The following ZNF99 variants were observed in gnomAD, a reference collection of about 807,000 sequenced individuals.
ZNF99 encodes the protein zinc finger protein 99, also known as zinc finger protein ENSP00000375192.
A neutral mutation model predicts 12.8 loss-of-function variants in ZNF99; 8 were observed. The observed-to-expected ratio is 0.62, with a 90% confidence interval of 0.37 to 1.13. The LOEUF (loss-of-function observed/expected upper bound fraction) is 1.13, where lower values mean the gene tolerates loss of function less well. Ranked by LOEUF, ZNF99 falls within the 50% of genes most tolerant of loss-of-function variation. The pLI is 0.02. For missense variants in ZNF99, 1,007 were observed against 1,006.2 expected, an observed-to-expected ratio of 1.00 and a Z score of -0.01; for synonymous variants, 318 against 319.0, an observed-to-expected ratio of 1.00 and a Z score of 0.03.
Position 22,757,110 on chromosome 19 carries a change from A to C in ZNF99, c.*204T>G, listed in dbSNP as rs562439719. ...GAGGAATTGTTAAAAGCTTTTCCAC[A>C]TTCTCCACATTTGTAGGGCTTCTCC... is the stretch of plus-strand genomic sequence containing the variant. On this transcript the variant is annotated 3_prime_UTR_variant, in exon 4 of 4. Transcript: ENST00000596209. 1.2e-6 allele frequency: 2 copies of C among 1,612,374 alleles called. No individual in the cohort carries two copies. The highest frequency in any genetic ancestry group is 2.7e-5 in the African/African-American group (2 of 74,766).
In ZNF99 at chr19:22,756,507, G is replaced by A; in HGVS notation, c.*807C>T. On this transcript the variant is annotated 3_prime_UTR_variant, in exon 4 of 4. Coordinates refer to ENST00000596209, the MANE Select transcript of ZNF99 (RefSeq NM_001080409.3). ...TATGTTTAGTAAGGCGTGAGAAATG[G>A]CTAAAAGCTTTGCCACGTTCTTCAC... 1 of 1,594,858 alleles carries A rather than the reference G, an allele frequency of 6.3e-7. No homozygotes were observed. The highest frequency in any genetic ancestry group is 1.1e-5 in the South Asian group (1 of 90,800).
At chr19:22,777,241 A>C (rs1365017185) in intron 1 of ZNF99, among the ~76,000 whole-genome samples, 2 of 152,182 alleles carry the variant, frequency 1.3e-5, no homozygotes, top group African/African-American at 2.4e-5. Context: ...AGATTATGTC[A>C]TTTGCAGCAA....
chr19:22,752,995 C>A lies in ZNF99; in HGVS notation c.*4319G>T, dbSNP rs1373782630. 2 of 152,086 alleles carry A rather than the reference C, an allele frequency of 1.3e-5. No individual in the cohort carries two copies. Among genetic ancestry groups the A allele is most frequent in the African/African-American group, 4.8e-5 (2 of 41,518 alleles). The allele number at this position is 152,086 out of a possible 1,614,324, so 9.4% of individuals were successfully genotyped here. On this transcript the variant is annotated 3_prime_UTR_variant, in exon 4 of 4. Coordinates refer to ENST00000596209, the MANE Select transcript of ZNF99 (RefSeq NM_001080409.3). ...ATCCTTTCTCTTTTATGAAAAAGGTCATAAATAATGCCCATCTAATAAAAA... is the reference window on the plus strand; with the variant it reads ...ATCCTTTCTCTTTTATGAAAAAGGTAATAAATAATGCCCATCTAATAAAAA...
rs115355616 is a variant in ZNF99, at chr19:22,778,241, T to A, written c.3+5773A>T. On this transcript the variant is annotated intron_variant, in intron 1 of 3. Coordinates refer to ENST00000596209, the MANE Select transcript of ZNF99 (RefSeq NM_001080409.3). ...TCTCACCCTGGGAGGAGACCTGAAA[T>A]CACAGGGTAATGGGCAGTGTGATGG... is the stretch of plus-strand genomic sequence containing the variant. Among the ~76,000 whole-genome samples the A allele has an allele frequency of 8.4e-3, 1,277 of 152,000 alleles. 12 individuals are homozygous for A. Among genetic ancestry groups the A allele is most frequent in the African/African-American group, 0.029 (1,204 of 41,470 alleles).
intron 1 of ZNF99, chr19:22,769,898 A>G (rs1361078873): frequency 7.4e-7 from 1 of 1,358,230 alleles, no homozygotes; most frequent in Admixed American, 2.0e-5. Flanking sequence ...TATAAAATTA[A>G]GGGCATGATA....
At chr19:22,783,613 C>T (rs891446989) in intron 1 of ZNF99, among the ~76,000 whole-genome samples, 3 of 152,106 alleles carry the variant, frequency 2.0e-5, no homozygotes, top group African/African-American at 7.2e-5. Context: ...TGATGACTGC[C>T]ATCAATTTTT....
At chr19:22,771,881 C>G in intron 1 of ZNF99, among the ~76,000 whole-genome samples, 1 of 136,816 alleles carries the variant, frequency 7.3e-6, no homozygotes, top group East Asian at 2.2e-4. Context: ...CCACGCCCGG[C>G]TAATTTTTGT....
At chr19:22,776,869 G>A (rs570009488) in intron 1 of ZNF99, among the ~76,000 whole-genome samples, 1 of 152,266 alleles carries the variant, frequency 6.6e-6, no homozygotes, top group South Asian at 2.1e-4. Context: ...GTACAGGTAA[G>A]GTTTGGTGGC....
In ZNF99 at chr19:22,756,137, G is replaced by C. The variant is rs1175744788; in HGVS notation, c.*1177C>G. The C allele has an allele frequency of 6.7e-7, 1 of 1,498,282 alleles. No homozygotes were observed. The highest frequency in any genetic ancestry group is 9.0e-7 in the Non-Finnish European group (1 of 1,111,576). The allele number at this position is 1,498,282 out of a possible 1,614,324, so 92.8% of individuals were successfully genotyped here. A position where few individuals can be genotyped will look rare whatever the true frequency, so the allele number is the denominator to read the frequency against. ...TTCACATATGGAGGGTCTGTCTCTA[G>C]TATAAATTATCTTATGTGTATTAAG... is the stretch of plus-strand genomic sequence containing the variant. On this transcript the variant is annotated 3_prime_UTR_variant, in exon 4 of 4. Transcript: ENST00000596209.
chr19:22,769,224 T>G lies in ZNF99; in HGVS notation c.104A>C (p.Glu35Ala), dbSNP rs1973238135. The G allele has an allele frequency of 3.1e-6, 5 of 1,608,990 alleles. No individual in the cohort carries two copies. Among genetic ancestry groups the G allele is most frequent in the Non-Finnish European group, 4.2e-6 (5 of 1,177,082 alleles). ...QQNLYRNVML[E>A]NYRNLVFLGI... ...CAGGAAGACCAGGTTTCTGTAGTTC[T>G]CTAACATAACATTCCTATATAAATT... is the stretch of plus-strand genomic sequence containing the variant. Residue 35 changes from glutamate (E) to alanine (A), a missense_variant, in exon 2 of 4, where the codon GAG (glutamate) becomes GCG (alanine). Physicochemically the swap from Glu to Ala is moderately radical, Grantham distance 107. Transcript: ENST00000596209.
intron 1 of ZNF99, among the ~76,000 whole-genome samples, chr19:22,772,111 G>A (rs1322403963): frequency 1.3e-5 from 2 of 151,962 alleles, no homozygotes; most frequent in African/African-American, 4.8e-5. Context: ...CTTGAGGACT[G>A]TAACCTGGGA....
At chr19:22,779,863 T>C (rs1435228063) in intron 1 of ZNF99, among the ~76,000 whole-genome samples, 1 of 152,224 alleles carries the variant, frequency 6.6e-6, no homozygotes, top group African/African-American at 2.4e-5. Flanking sequence ...TGGTATTTCC[T>C]CCTGTTGCAA....
Position 22,758,484 on chromosome 19 carries a change from A to G in ZNF99, c.1425T>C (p.His475=). ...FSALRKHEII[H]TGEKPYKCEE... Reference sequence around the variant, plus strand: ...CACATTTGTAGGGTTTCTCTCCAGTATGAATTATCTCATGTTTTCTAAGGG... The same window carrying G: ...CACATTTGTAGGGTTTCTCTCCAGTGTGAATTATCTCATGTTTTCTAAGGG... Residue 475 remains histidine (H), a synonymous_variant, in exon 4 of 4, where the codon CAT becomes CAC. Coordinates refer to ENST00000596209, the MANE Select transcript of ZNF99 (RefSeq NM_001080409.3). 1 of 1,613,482 alleles carries G rather than the reference A, an allele frequency of 6.2e-7. No homozygotes were observed. Among genetic ancestry groups the G allele is most frequent in the Non-Finnish European group, 8.5e-7 (1 of 1,179,728 alleles).
chr19:22,761,616 A>T (rs1973151695), intron 3 of ZNF99, among the ~76,000 whole-genome samples: 1 of 152,174 alleles, frequency 6.6e-6, no homozygotes, highest in Non-Finnish European at 1.5e-5. Context: ...AAATGGATTT[A>T]AACTATACCT....
chr19:22,776,849 A>C (rs1973335078), intron 1 of ZNF99, among the ~76,000 whole-genome samples: 2 of 152,216 alleles, frequency 1.3e-5, no homozygotes, highest in Admixed American at 1.3e-4. Context: ...AACTGGATAA[A>C]GAAAATATGG....
chr19:22,755,703 G>T lies in ZNF99; in HGVS notation c.*1611C>A. On this transcript the variant is annotated 3_prime_UTR_variant, in exon 4 of 4. Coordinates refer to ENST00000596209, the MANE Select transcript of ZNF99 (RefSeq NM_001080409.3). ...GCTTTGCCCATTCTTCATATTTGCA[G>T]TGTTTGTCTCTACTATGAATTATCT... 6.9e-6 allele frequency: 2 copies of T among 291,572 alleles called. No individual in the cohort carries two copies. Among genetic ancestry groups the T allele is most frequent in the South Asian group, 3.9e-5 (1 of 25,500 alleles). The allele number at this position is 291,572 out of a possible 1,614,324, so 18.1% of individuals were successfully genotyped here.
intron 1 of ZNF99, chr19:22,774,033 C>T (rs1223929622): frequency 6.5e-6 from 1 of 153,866 alleles, no homozygotes; most frequent in Non-Finnish European, 1.5e-5. Flanking sequence ...CCAAAAGTTC[C>T]CACTGTGACA....
rs763669190 is a variant in ZNF99, at chr19:22,753,895, A to G, written c.*3419T>C. ...CTCTAGGATAAATTAGCTTATACTCAAGTGTGACAACCATTTAAAGGCTTT... is the reference window on the plus strand; with the variant it reads ...CTCTAGGATAAATTAGCTTATACTCGAGTGTGACAACCATTTAAAGGCTTT... On this transcript the variant is annotated 3_prime_UTR_variant, in exon 4 of 4. Coordinates refer to ENST00000596209, the MANE Select transcript of ZNF99 (RefSeq NM_001080409.3). 26 of 333,820 alleles carry G rather than the reference A, an allele frequency of 7.8e-5. No homozygotes were observed. The highest frequency in any genetic ancestry group is 5.6e-4 in the African/African-American group (26 of 46,290). The allele number at this position is 333,820 out of a possible 1,614,324, so 20.7% of individuals were successfully genotyped here. A position where few individuals can be genotyped will look rare whatever the true frequency, so the allele number is the denominator to read the frequency against.
At chr19:22,783,900 G>C in intron 1 of ZNF99, 114 bp downstream of exon 1, 1 of 1,391,328 alleles carries the variant, frequency 7.2e-7, no homozygotes, top group East Asian at 2.3e-5. Context: ...GCAAGAGCTC[G>C]GGGCGCAGAC....
Sources: allele counts gnomAD v4.1 joint callset (sites outside exome capture counted in the v4.1 genomes callset), GRCh38; gene constraint gnomAD v4.1.1; transcripts MANE v1.5; gene names NCBI Gene and HGNC (gene_info 2026-07-23, HGNC 2026-07-21).